Variants in ARHGAP21 observed in about 807,000 individuals in gnomAD.
ARHGAP21 encodes the protein rho GTPase-activating protein 21.
Under a neutral mutation model 164.6 loss-of-function variants are expected in ARHGAP21, and 38 were observed. The ratio of observed to expected loss-of-function variants is 0.23; its 90% CI spans 0.18 to 0.30. The LOEUF (loss-of-function observed/expected upper bound fraction) is 0.30, where lower values mean the gene tolerates loss of function less well. Ranked by LOEUF, ARHGAP21 falls within the 10% of genes least tolerant of loss-of-function variation. The pLI, the probability that ARHGAP21 is intolerant of heterozygous loss-of-function variation, is 1.00. For missense variants in ARHGAP21, 1,822 were observed against 2,370.7 expected, an observed-to-expected ratio of 0.77 and a Z score of 4.81; for synonymous variants, 766 against 857.9, an observed-to-expected ratio of 0.89 and a Z score of 1.87.
intron 9 of ARHGAP21, among the ~76,000 whole-genome samples, chr10:24,617,760 GTCC>G (rs1324021850): frequency 6.6e-6 from 1 of 152,040 alleles, no homozygotes; most frequent in East Asian, 1.9e-4. Context: ...AGAAACAACA[GTCC>G]TCAACAGCTT....
intron 4 of ARHGAP21, 93 bp from the exon 5 acceptor site, chr10:24,635,196 C>T (rs1436874666): frequency 8.0e-6 from 6 of 746,718 alleles, no homozygotes; most frequent in Non-Finnish European, 8.2e-6. Flanking sequence ...TTAAGCAAAG[C>T]TTTTTAATGA....
At chr10:24,659,091 C>T (rs1220698687) in intron 4 of ARHGAP21, among the ~76,000 whole-genome samples, 2 of 152,146 alleles carry the variant, frequency 1.3e-5, no homozygotes, top group South Asian at 2.1e-4. Context: ...CTGGTGGAGA[C>T]ATAGAAATGG....
chr10:24,696,224 G>A (rs1005839061), intron 2 of ARHGAP21, among the ~76,000 whole-genome samples: 3 of 152,214 alleles, frequency 2.0e-5, no homozygotes, highest in Admixed American at 6.5e-5. Context: ...TCAGGGCTTT[G>A]GCACAGGGCA....
intron 2 of ARHGAP21, among the ~76,000 whole-genome samples, chr10:24,704,281 TTTC>T (rs1329839093): frequency 6.7e-6 from 1 of 149,062 alleles, no homozygotes; most frequent in Admixed American, 6.6e-5. Context: ...TTCTACATTT[TTTC>T]TTTTCTTTTT....
chr10:24,637,338 T>G (rs1190687786), intron 4 of ARHGAP21, among the ~76,000 whole-genome samples: 2 of 152,238 alleles, frequency 1.3e-5, no homozygotes, highest in African/African-American at 4.8e-5. Context: ...GGTCAGTCTG[T>G]GGTCAATCTA....
rs774447460 is a variant in ARHGAP21, at chr10:24,585,567, G to A, written c.4722C>T (p.Ser1574=). The A allele has an allele frequency of 1.7e-5, 27 of 1,614,030 alleles. No individual in the cohort carries two copies. The Admixed American group carries it at 2.5e-4, about 15-fold the overall frequency. The part of the protein sequence containing the change: ...KKSTSPETKH[S]EFLANVSTIT... ...TGGTGCTGACGTTGGCCAAAAACTC[G>A]CTATGTTTCGTTTCTGGACTGGTTG... The change falls in exon 26 of 26, where the codon AGC becomes AGT. Residue 1574 remains serine, a synonymous_variant. Transcript: ENST00000396432.
Position 24,585,553 on chromosome 10 carries a change from T to A in ARHGAP21, c.4736A>T (p.Asn1579Ile), listed in dbSNP as rs192553340. The change falls in exon 26 of 26, where the codon AAC becomes ATC. Residue 1579 changes from asparagine (N) to isoleucine (I), a missense_variant. Asn to Ile is a moderately radical substitution (Grantham distance 149, BLOSUM62 -3). This residue lies in a region of ARHGAP21 where 333 missense variants were observed against 383.9 expected (regional missense o/e 0.87). Coordinates refer to ENST00000396432, the MANE Select transcript of ARHGAP21 (RefSeq NM_020824.4). ...ATAATCTGAGGTGATGGTGCTGACG[T>A]TGGCCAAAAACTCGCTATGTTTCGT... ...PETKHSEFLA[N>I]VSTITSDYST... The A allele has an allele frequency of 3.1e-6, 5 of 1,614,184 alleles. No homozygotes were observed. The highest frequency in any genetic ancestry group is 3.4e-6 in the Non-Finnish European group (4 of 1,180,032).
intron 2 of ARHGAP21, among the ~76,000 whole-genome samples, chr10:24,694,341 T>G (rs1470176504): frequency 1.3e-5 from 2 of 152,218 alleles, no homozygotes; most frequent in African/African-American, 4.8e-5. Context: ...CGGCCCTCCG[T>G]TGGTGTTTGG....
At chr10:24,628,853 A>C (rs1483142864) in intron 7 of ARHGAP21, among the ~76,000 whole-genome samples, 1 of 130,980 alleles carries the variant, frequency 7.6e-6, no homozygotes, top group Non-Finnish European at 1.6e-5. Context: ...ACACATACAT[A>C]TATATACACA....
At chr10:24,715,696 C>G (rs1845307023) in intron 2 of ARHGAP21, among the ~76,000 whole-genome samples, 1 of 152,174 alleles carries the variant, frequency 6.6e-6, no homozygotes, top group South Asian at 2.1e-4. Context: ...TCATACTGTA[C>G]ATATTTTATA....
At chr10:24,646,154 T>C (rs1837548748) in intron 4 of ARHGAP21, among the ~76,000 whole-genome samples, 1 of 152,138 alleles carries the variant, frequency 6.6e-6, no homozygotes, top group East Asian at 1.9e-4. Flanking sequence ...AGATGAAAAA[T>C]TATCTGTTAA....
chr10:24,590,809 C>T (rs2076293608), intron 24 of ARHGAP21: 8 of 985,144 alleles, frequency 8.1e-6, no homozygotes, highest in Non-Finnish European at 9.6e-6. Context: ...TGCTTTTAAA[C>T]AGAACTCCTG....
intron 4 of ARHGAP21, among the ~76,000 whole-genome samples, chr10:24,651,916 T>C (rs1489332690): frequency 6.6e-6 from 1 of 152,186 alleles, no homozygotes; most frequent in Admixed American, 6.5e-5. Context: ...AAGAAGACAT[T>C]CTACCCAATA....
rs200822683 is a variant in ARHGAP21, at chr10:24,628,874, C to CATATATATACACATATATACATACAT, written c.495+1121_495+1122insATGTATGTATATATGTGTATATATAT. 457 of 112,376 alleles carry CATATATATACACATATATACATACAT rather than the reference C, an allele frequency of 4.1e-3. 4 individuals are homozygous for CATATATATACACATATATACATACAT. The highest frequency in any genetic ancestry group is 0.034 in the Middle Eastern group (6 of 174). The allele number at this position is 112,376 out of a possible 1,614,324, so 7.0% of individuals were successfully genotyped here. A position where few individuals can be genotyped will look rare whatever the true frequency, so the allele number is the denominator to read the frequency against. ...ACATATATATACACATATATACATA[C>CATATATATACACATATATACATACAT]ATATATACACATATATATACATACA... is the stretch of plus-strand genomic sequence containing the variant. On this transcript the variant is annotated intron_variant, in intron 7 of 25. Coordinates refer to ENST00000396432, the MANE Select transcript of ARHGAP21 (RefSeq NM_020824.4).
Position 24,596,721 on chromosome 10 carries a change from G to A in ARHGAP21, c.3477+19C>T. ...TGAATTAATGACTTGAGGAAATCCG[G>A]TGGGCTGGTGTCTCCTACCCGATTA... On this transcript the variant is annotated intron_variant, in intron 17 of 25. Coordinates refer to ENST00000396432, the MANE Select transcript of ARHGAP21 (RefSeq NM_020824.4). 2 of 1,613,258 alleles carry A rather than the reference G, an allele frequency of 1.2e-6. No homozygotes were observed. Among genetic ancestry groups the A allele is most frequent in the South Asian group, 1.1e-5 (1 of 90,972 alleles).
intron 11 of ARHGAP21, among the ~76,000 whole-genome samples, chr10:24,607,165 C>T (rs979215898): frequency 1.3e-5 from 2 of 152,142 alleles, no homozygotes; most frequent in African/African-American, 4.8e-5. Context: ...ACAGTACACA[C>T]ACATATATGC....
chr10:24,607,937 G>A (rs1305668528), intron 9 of ARHGAP21, 34 bp from the exon 10 acceptor site: 1 of 1,550,084 alleles, frequency 6.5e-7, no homozygotes, highest in South Asian at 1.2e-5. Flanking sequence ...AATGTTCAAT[G>A]ACCTAATTGT....
At chr10:24,590,856 T>C (rs1463323825) in intron 24 of ARHGAP21, 13 of 646,588 alleles carry the variant, frequency 2.0e-5, no homozygotes, top group Non-Finnish European at 2.5e-5. Flanking sequence ...GCCCAGATCA[T>C]ACTTTCTGCC....
chr10:24,596,225 G>A (rs1290215300), intron 17 of ARHGAP21, 182 bp from the exon 18 acceptor site: 17 of 538,148 alleles, frequency 3.2e-5, no homozygotes, highest in Non-Finnish European at 4.9e-5. Flanking sequence ...GAGACAGTAA[G>A]AAGAGAACAA....
Sources: allele counts gnomAD v4.1 joint callset (sites outside exome capture counted in the v4.1 genomes callset), GRCh38; gene constraint gnomAD v4.1.1; regional missense constraint gnomAD v4.1.1; transcripts MANE v1.5; gene names NCBI Gene and HGNC (gene_info 2026-07-23, HGNC 2026-07-21).